Variants in MTMR12 observed in about 807,000 individuals in gnomAD.
The protein encoded by MTMR12 is myotubularin related protein 12.
In MTMR12, 33 loss-of-function variants were observed where a neutral mutation model predicts 96.7. That is an observed-to-expected ratio of 0.34 (90% CI 0.26 to 0.46). The LOEUF (loss-of-function observed/expected upper bound fraction) is 0.46. Ranked by LOEUF, MTMR12 falls within the 20% of genes least tolerant of loss-of-function variation. The pLI, the probability that MTMR12 is intolerant of heterozygous loss-of-function variation, is 1.00. For synonymous variants in MTMR12, 298 were observed against 327.2 expected (o/e 0.91, Z 0.96); for missense variants, 721 against 896.1 (o/e 0.80, Z 2.49).
chr5:32,304,192 T>C (rs1008448489), intron 1 of MTMR12, among the ~76,000 whole-genome samples: 3 of 151,968 alleles, frequency 2.0e-5, no homozygotes, highest in Admixed American at 6.6e-5. Flanking sequence ...TGGTGGCACG[T>C]GCCTGTAGTC....
intron 3 of MTMR12, 81 bp downstream of exon 3, chr5:32,273,899 C>CT (rs1441525792): frequency 1.3e-6 from 2 of 1,577,484 alleles, no homozygotes; most frequent in Non-Finnish European, 1.7e-6. Flanking sequence ...GGTAGAGTAA[C>CT]TGAGAAGCTG....
rs750690096 is a variant in MTMR12 at position 32,273,887 on chromosome 5, G to C, written c.285+93C>G. On this transcript the variant is annotated intron_variant, in intron 3 of 15. Transcript: ENST00000382142. ...TGTCCTTTGTGTTTATGTGTGTTAG[G>C]GGGTAGAGTAACTGAGAAGCTGGGA... 6.4e-5 allele frequency: 98 copies of C among 1,540,170 alleles called. 1 individual carries two copies. The highest frequency in any genetic ancestry group is 6.1e-4 in the South Asian group (51 of 83,690).
At chr5:32,267,232 C>T (rs150849021) in intron 6 of MTMR12, among the ~76,000 whole-genome samples, 1,912 of 151,608 alleles carry the variant, frequency 0.013, 16 homozygotes, top group Non-Finnish European at 0.02. Context: ...AAAAATTAGC[C>T]GGGCGTGGTG....
Position 32,229,762 on chromosome 5 carries a change from TC to T in MTMR12, c.*15del. On this transcript the variant is annotated 3_prime_UTR_variant, in exon 16 of 16. Coordinates refer to ENST00000382142, the MANE Select transcript of MTMR12 (RefSeq NM_001040446.3). ...AATCTCCCACATTCCTCTTTCACAA[TC>T]ACTCAACAAACAGGTCACACATCCC... 1 of 1,496,946 alleles carries T rather than the reference TC, an allele frequency of 6.7e-7. No homozygotes were observed. Among genetic ancestry groups the T allele is most frequent in the Non-Finnish European group, 8.9e-7 (1 of 1,122,174 alleles). The allele number at this position is 1,496,946 out of a possible 1,614,324, so 92.7% of individuals were successfully genotyped here. A position where few individuals can be genotyped will look rare whatever the true frequency, so the allele number is the denominator to read the frequency against.
At chr5:32,296,580 G>T (rs559150898) in intron 1 of MTMR12, 2 of 224,076 alleles carry the variant, frequency 8.9e-6, no homozygotes, top group South Asian at 8.6e-5. Context: ...TGGTGGGGGA[G>T]TGGGGATTGC....
At chr5:32,259,893 G>A (rs1052356236) in intron 7 of MTMR12, among the ~76,000 whole-genome samples, 3 of 152,036 alleles carry the variant, frequency 2.0e-5, no homozygotes, top group Non-Finnish European at 4.4e-5. Context: ...AAAATTAGCT[G>A]GGCGTGGTGG....
At chr5:32,252,768 CTTTGT>C (rs1417096580) in intron 8 of MTMR12, among the ~76,000 whole-genome samples, 2 of 152,156 alleles carry the variant, frequency 1.3e-5, no homozygotes, top group Non-Finnish European at 2.9e-5. Context: ...AGATAAACGG[CTTTGT>C]TTTATGTTTT....
chr5:32,238,261 G>A (rs544334015), intron 13 of MTMR12, among the ~76,000 whole-genome samples: 1 of 152,066 alleles, frequency 6.6e-6, no homozygotes, highest in African/African-American at 2.4e-5. Context: ...CTGGAGTGCA[G>A]TGGCACAATC....
At chr5:32,237,076 A>T (rs986437953) in intron 13 of MTMR12, among the ~76,000 whole-genome samples, 1 of 152,208 alleles carries the variant, frequency 6.6e-6, no homozygotes, top group Non-Finnish European at 1.5e-5. Context: ...TGGATCACCC[A>T]AGGAACCTGC....
intron 1 of MTMR12, among the ~76,000 whole-genome samples, chr5:32,303,916 A>C (rs186965480): frequency 6.6e-6 from 1 of 151,840 alleles, no homozygotes; most frequent in African/African-American, 2.4e-5. Flanking sequence ...TGAGAAACTG[A>C]GAGTGGGTAT....
chr5:32,303,799 C>A (rs1323949751), intron 1 of MTMR12, among the ~76,000 whole-genome samples: 4 of 137,504 alleles, frequency 2.9e-5, no homozygotes, highest in African/African-American at 5.5e-5. Context: ...TCAGAACCTG[C>A]ATGTTCTCTT....
At chr5:32,298,781 T>C (rs1418742290) in intron 1 of MTMR12, among the ~76,000 whole-genome samples, 1 of 150,778 alleles carries the variant, frequency 6.6e-6, no homozygotes, top group Non-Finnish European at 1.5e-5. Context: ...ACCCCGTCTC[T>C]ACTAAAAATA....
At chr5:32,301,167 T>A (rs148663944) in intron 1 of MTMR12, among the ~76,000 whole-genome samples, 1 of 151,816 alleles carries the variant, frequency 6.6e-6, no homozygotes, top group East Asian at 1.9e-4. Context: ...AGATGACAGG[T>A]AGGTAGGTAG....
intron 12 of MTMR12, among the ~76,000 whole-genome samples, chr5:32,239,735 G>C (rs942824109): frequency 1.3e-5 from 2 of 152,196 alleles, no homozygotes; most frequent in South Asian, 4.1e-4. Flanking sequence ...CTTGACTGTA[G>C]CAAAATTATT....
At chr5:32,306,565 A>G (rs891414391) in intron 1 of MTMR12, among the ~76,000 whole-genome samples, 2 of 152,080 alleles carry the variant, frequency 1.3e-5, no homozygotes, top group Non-Finnish European at 2.9e-5. Context: ...AACACCATAT[A>G]TATATATTTT....
chr5:32,299,362 A>C (rs1285489001), intron 1 of MTMR12, among the ~76,000 whole-genome samples: 1 of 152,196 alleles, frequency 6.6e-6, no homozygotes, highest in East Asian at 1.9e-4. Context: ...TAACTACCAC[A>C]TTATACTGAA....
chr5:32,249,097 T>C (rs559480226), intron 8 of MTMR12, among the ~76,000 whole-genome samples: 4 of 152,248 alleles, frequency 2.6e-5, no homozygotes, highest in African/African-American at 9.6e-5. Flanking sequence ...CACAGACTTA[T>C]GGTCTAACAT....
chr5:32,302,873 G>A lies in MTMR12; in HGVS notation c.81+9885C>T, dbSNP rs572355076. ...AATTTTAAATATAACCAAATCATTC[G>A]CAAATGTATAAAGGAACAAGGAAAA... On this transcript the variant is annotated intron_variant, in intron 1 of 15. Transcript: ENST00000382142. 4.6e-5 allele frequency among the ~76,000 whole-genome samples: 7 copies of A among 152,198 alleles called. No individual in the cohort carries two copies. The East Asian group carries it at 9.6e-4, about 21-fold the overall frequency.
chr5:32,250,850 G>C (rs565807636), intron 8 of MTMR12, among the ~76,000 whole-genome samples: 1 of 152,058 alleles, frequency 6.6e-6, no homozygotes, highest in South Asian at 2.1e-4. Context: ...ACAGTAAATA[G>C]AAAAAAACAA....
Sources: gnomAD v4.1 joint callset for allele counts (sites outside exome capture counted in the v4.1 genomes callset) on GRCh38, gnomAD v4.1.1 for gene constraint, MANE v1.5 for transcripts, NCBI Gene and HGNC (gene_info 2026-07-23, HGNC 2026-07-21) for gene names.